STAM: variants seen among roughly 807,000 people sequenced by gnomAD.
The protein encoded by STAM is signal transducing adaptor molecule, also known as signal transducing adapter molecule 1.
STAM carries 16 observed loss-of-function variants against 63.4 expected under a neutral mutation model. The observed-to-expected ratio is 0.25, with a 90% CI of 0.17 to 0.38. The LOEUF (loss-of-function observed/expected upper bound fraction) is 0.38. Among genes scored for constraint, STAM ranks in the 10% least tolerant of loss-of-function variants. STAM has a pLI of 1.00. For missense variants in STAM, 636 were observed against 657.1 expected (o/e 0.97, Z 0.35); for synonymous variants, 238 against 223.9 (o/e 1.06, Z -0.56).
chr10:17,667,102 C>T (rs1444010519), intron 2 of STAM, among the ~76,000 whole-genome samples: 5 of 149,744 alleles, frequency 3.3e-5, no homozygotes, highest in Admixed American at 6.7e-5. Context: ...CTTAAAATAG[C>T]GGAAGTGTTC....
intron 7 of STAM, chr10:17,695,869 G>A (rs2570289): frequency 0.076 from 11,552 of 152,244 alleles, 524 homozygotes; most frequent in Admixed American, 0.11. Flanking sequence ...TTGGGCTGCC[G>A]TAACAAACTA....
chr10:17,682,282 A>G (rs1835120976), intron 2 of STAM, among the ~76,000 whole-genome samples: 1 of 152,208 alleles, frequency 6.6e-6, no homozygotes, highest in Non-Finnish European at 1.5e-5. Flanking sequence ...TCTAAGATGA[A>G]TTCAAATTTT....
intron 1 of STAM, among the ~76,000 whole-genome samples, chr10:17,657,949 C>T (rs1430238097): frequency 6.7e-6 from 1 of 149,160 alleles, no homozygotes; most frequent in Non-Finnish European, 1.5e-5. Flanking sequence ...CTGTATTGGT[C>T]TTATGTTCAG....
chr10:17,691,834 C>T (rs1230322628), intron 5 of STAM, among the ~76,000 whole-genome samples: 1 of 152,108 alleles, frequency 6.6e-6, no homozygotes, highest in East Asian at 1.9e-4. Flanking sequence ...AATTGTTTGC[C>T]CTGGGAATGA....
At chr10:17,647,547 T>G (rs782543368) in intron 1 of STAM, among the ~76,000 whole-genome samples, 1 of 152,092 alleles carries the variant, frequency 6.6e-6, no homozygotes, top group African/African-American at 2.4e-5. Context: ...TTTAGCTTAG[T>G]GTTAAGAATT....
intron 13 of STAM, among the ~76,000 whole-genome samples, chr10:17,709,469 C>T (rs1836456726): frequency 6.6e-6 from 1 of 152,154 alleles, no homozygotes; most frequent in South Asian, 2.1e-4. Context: ...CCTTGTTTCT[C>T]AGGAGGCAGA....
intron 9 of STAM, among the ~76,000 whole-genome samples, chr10:17,700,634 T>C (rs1554828279): frequency 2.0e-5 from 3 of 152,038 alleles, no homozygotes; most frequent in Non-Finnish European, 4.4e-5. Context: ...TTAGGGTAGA[T>C]ATTCAGGAGT....
At chr10:17,655,712 G>T (rs576401554) in intron 1 of STAM, among the ~76,000 whole-genome samples, 19 of 152,102 alleles carry the variant, frequency 1.2e-4, no homozygotes, top group Non-Finnish European at 2.1e-4. Context: ...TTATCACTTG[G>T]TCAAGACCAA....
chr10:17,672,790 A>G (rs1834693404), intron 2 of STAM, among the ~76,000 whole-genome samples: 1 of 152,168 alleles, frequency 6.6e-6, no homozygotes, highest in Admixed American at 6.5e-5. Flanking sequence ...TTGACTTTGG[A>G]AACTGACCTT....
Position 17,714,920 on chromosome 10 carries a change from A to G in STAM, c.*140A>G, listed in dbSNP as rs1434511890. On this transcript the variant is annotated 3_prime_UTR_variant, in exon 14 of 14. Coordinates refer to ENST00000377524, the MANE Select transcript of STAM (RefSeq NM_003473.4). ...AACAGGTTCAAATATTCAAGAAGGT[A>G]GAACTCTCCTCAATTTACACTGACT... 2.4e-6 allele frequency: 2 copies of G among 826,502 alleles called. No individual in the cohort carries two copies. Among genetic ancestry groups the G allele is most frequent in the East Asian group, 2.5e-5 (1 of 39,454 alleles). 51.2% of individuals were successfully genotyped at this position (826,502 alleles called of 1,614,324 possible).
At chr10:17,648,485 T>A (rs1242054614) in intron 1 of STAM, among the ~76,000 whole-genome samples, 1 of 152,072 alleles carries the variant, frequency 6.6e-6, no homozygotes, top group Non-Finnish European at 1.5e-5. Flanking sequence ...GTTCTTTCAC[T>A]CTGCACAATA....
chr10:17,652,796 A>T (rs1461621689), intron 1 of STAM, among the ~76,000 whole-genome samples: 4 of 152,196 alleles, frequency 2.6e-5, no homozygotes, highest in Non-Finnish European at 5.9e-5. Flanking sequence ...TGACTCACTC[A>T]ATATTCTTGG....
At chr10:17,661,946 G>C (rs1454604688) in intron 2 of STAM, among the ~76,000 whole-genome samples, 1 of 152,090 alleles carries the variant, frequency 6.6e-6, no homozygotes, top group African/African-American at 2.4e-5. Context: ...ATTCTGACCT[G>C]GTTCATTAAT....
At chr10:17,699,271 TC>T (rs1418308514) in intron 8 of STAM, among the ~76,000 whole-genome samples, 21 of 152,356 alleles carry the variant, frequency 1.4e-4, no homozygotes, top group African/African-American at 5.1e-4. Flanking sequence ...AATGTAATAT[TC>T]CATCAAGCAT....
intron 5 of STAM, among the ~76,000 whole-genome samples, chr10:17,689,544 T>C (rs1193857688): frequency 1.3e-5 from 2 of 152,250 alleles, no homozygotes; most frequent in Non-Finnish European, 2.9e-5. Flanking sequence ...CATTCATAAC[T>C]GATAGCTGGT....
intron 2 of STAM, among the ~76,000 whole-genome samples, chr10:17,673,697 A>C (rs1196359064): frequency 1.3e-5 from 2 of 152,208 alleles, no homozygotes; most frequent in African/African-American, 4.8e-5. Flanking sequence ...AACAGAAGAG[A>C]GGTGTTAAAT....
At chr10:17,669,921 G>T (rs183314960) in intron 2 of STAM, among the ~76,000 whole-genome samples, 2 of 132,962 alleles carry the variant, frequency 1.5e-5, no homozygotes, top group Non-Finnish European at 3.1e-5. Context: ...TAGTAGACAC[G>T]TGGTTTCACC....
At chr10:17,652,099 T>G (rs1393619838) in intron 1 of STAM, among the ~76,000 whole-genome samples, 1 of 152,248 alleles carries the variant, frequency 6.6e-6, no homozygotes, top group Admixed American at 6.5e-5. Context: ...GAGATCATTA[T>G]GAAGCTTTGA....
chr10:17,698,590 C>G (rs1835861592), intron 8 of STAM, among the ~76,000 whole-genome samples: 1 of 151,922 alleles, frequency 6.6e-6, no homozygotes, highest in African/African-American at 2.4e-5. Flanking sequence ...AGCATGATCC[C>G]CAGAGCATCA....
Sources: gnomAD v4.1 joint callset for allele counts (sites outside exome capture counted in the v4.1 genomes callset) on GRCh38, gnomAD v4.1.1 for gene constraint, MANE v1.5 for transcripts, NCBI Gene and HGNC (gene_info 2026-07-23, HGNC 2026-07-21) for gene names.